FAM184A: variants seen among roughly 807,000 people sequenced by gnomAD.
FAM184A encodes protein FAM184A.
FAM184A carries 99 observed loss-of-function variants against 143.8 expected under a neutral mutation model. That is an observed-to-expected ratio of 0.69 (90% CI 0.58 to 0.81). The LOEUF (loss-of-function observed/expected upper bound fraction) is 0.81, where lower values mean the gene tolerates loss of function less well. Among genes scored for constraint, FAM184A ranks in the 40% least tolerant of loss-of-function variants. The pLI is 0.00. For missense variants in FAM184A, 1,217 were observed against 1,310.5 expected, an observed-to-expected ratio of 0.93 and a Z score of 1.10; for synonymous variants, 427 against 446.4, an observed-to-expected ratio of 0.96 and a Z score of 0.55.
At chr6:118,983,311 ATAATT>A (rs1784074434) in intron 9 of FAM184A, among the ~76,000 whole-genome samples, 2 of 152,216 alleles carry the variant, frequency 1.3e-5, no homozygotes, top group African/African-American at 2.4e-5. Context: ...TTTTATAGCT[ATAATT>A]TAAACAGCTG....
At chr6:119,027,538 C>G (rs1582523518) in intron 1 of FAM184A, among the ~76,000 whole-genome samples, 2 of 152,266 alleles carry the variant, frequency 1.3e-5, no homozygotes, top group South Asian at 2.1e-4. Flanking sequence ...TGCAAACCCC[C>G]AAACATGGAA....
chr6:119,007,322 G>A (rs1784953139), intron 6 of FAM184A, among the ~76,000 whole-genome samples: 1 of 151,970 alleles, frequency 6.6e-6, no homozygotes, highest in African/African-American at 2.4e-5. Flanking sequence ...GTTGAAATTG[G>A]TAATTTAAAA....
chr6:119,038,735 C>T (rs1003766666), intron 1 of FAM184A, among the ~76,000 whole-genome samples: 1 of 152,110 alleles, frequency 6.6e-6, no homozygotes, highest in Non-Finnish European at 1.5e-5. Flanking sequence ...TACTTGTTTT[C>T]GCTTTGCACT....
In FAM184A at chr6:119,118,109, A is replaced by G. The variant is rs560128022; in HGVS notation, c.-202+30969T>C. Among the ~76,000 whole-genome samples, 145 of 152,204 alleles carry G rather than the reference A, an allele frequency of 9.5e-4. 1 individual carries two copies. The highest frequency in any genetic ancestry group is 2.8e-3 in the African/African-American group (116 of 41,562). ...GGGAAGCTCTGACCTGCAGTTATTA[A>G]TTAAGCCAGGACCTTTCCATAGATG... On this transcript the variant is annotated intron_variant, in intron 1 of 16. Coordinates refer to the FAM184A transcript ENST00000352896.
At chr6:119,091,632 A>G (rs1788371371) in intron 1 of FAM184A, among the ~76,000 whole-genome samples, 1 of 152,200 alleles carries the variant, frequency 6.6e-6, no homozygotes, top group African/African-American at 2.4e-5. Context: ...GCTGTCAGAT[A>G]ATAATCCTAG....
intron 1 of FAM184A, among the ~76,000 whole-genome samples, chr6:119,117,557 G>T (rs1457428533): frequency 6.6e-6 from 1 of 152,158 alleles, no homozygotes; most frequent in Admixed American, 6.5e-5. Flanking sequence ...GCTGTCAGAG[G>T]CCCCATTGCT....
At chr6:118,982,601 G>A (rs541764708) in intron 9 of FAM184A, among the ~76,000 whole-genome samples, 4 of 152,182 alleles carry the variant, frequency 2.6e-5, no homozygotes, top group Non-Finnish European at 5.9e-5. Flanking sequence ...GTGCCATATA[G>A]GCTAGCAGTG....
upstream of FAM184A, among the ~76,000 whole-genome samples, chr6:119,083,526 G>A (rs149604370): frequency 1.8e-3 from 271 of 152,236 alleles, 1 homozygote; most frequent in African/African-American, 6.4e-3. Flanking sequence ...GTCACCTCTT[G>A]AATGCTTTGC....
intron 1 of FAM184A, among the ~76,000 whole-genome samples, chr6:119,135,007 A>G (rs1322566500): frequency 1.3e-5 from 2 of 152,240 alleles, no homozygotes; most frequent in Non-Finnish European, 2.9e-5. Context: ...ATTCCCTCCT[A>G]GTACGTTCCT....
At chr6:119,049,394 G>A (rs1439434751) in intron 1 of FAM184A, among the ~76,000 whole-genome samples, 3 of 152,242 alleles carry the variant, frequency 2.0e-5, no homozygotes, top group South Asian at 4.1e-4. Flanking sequence ...ATTGCAGTGA[G>A]CCAAGATGGT....
chr6:119,015,552 T>C (rs1785217741), intron 5 of FAM184A, among the ~76,000 whole-genome samples: 1 of 152,226 alleles, frequency 6.6e-6, no homozygotes, highest in African/African-American at 2.4e-5. Flanking sequence ...GGGCCTTAGC[T>C]GCCTTCCCAC....
At chr6:118,973,488 T>C (rs1185866662) in intron 14 of FAM184A, among the ~76,000 whole-genome samples, 1 of 152,192 alleles carries the variant, frequency 6.6e-6, no homozygotes, top group Non-Finnish European at 1.5e-5. Context: ...TGATGTAGAA[T>C]AAGGCACATT....
chr6:119,068,050 T>C (rs1371988495), intron 1 of FAM184A, among the ~76,000 whole-genome samples: 2 of 7,890 alleles, frequency 2.5e-4, no homozygotes, highest in Non-Finnish European at 7.4e-4. Flanking sequence ...TGTGTGGGTT[T>C]TTTTTTTTTT....
intron 1 of FAM184A, among the ~76,000 whole-genome samples, chr6:119,044,811 T>C (rs1786467659): frequency 6.6e-6 from 1 of 152,190 alleles, no homozygotes; most frequent in South Asian, 2.1e-4. Flanking sequence ...GGTATAACTC[T>C]TAGTTTATCT....
intron 1 of FAM184A, among the ~76,000 whole-genome samples, chr6:119,039,321 C>A (rs1786231414): frequency 6.6e-6 from 1 of 152,142 alleles, no homozygotes; most frequent in East Asian, 1.9e-4. Flanking sequence ...TATGTCCATA[C>A]AAAAACTGGC....
At chr6:119,111,473 A>G (rs1385126629) in intron 1 of FAM184A, among the ~76,000 whole-genome samples, 2 of 152,230 alleles carry the variant, frequency 1.3e-5, no homozygotes, top group Non-Finnish European at 2.9e-5. Flanking sequence ...GAATGTTCTC[A>G]GTGCCCAGAA....
intron 1 of FAM184A, among the ~76,000 whole-genome samples, chr6:119,073,305 G>A (rs370252650): frequency 1.3e-5 from 2 of 152,152 alleles, no homozygotes; most frequent in African/African-American, 4.8e-5. Context: ...AACTTACACT[G>A]TACCATATAT....
In FAM184A at chr6:118,965,810, C is replaced by G. The variant is rs1783484815; in HGVS notation, c.3033+1025G>C. Among the ~76,000 whole-genome samples the G allele has an allele frequency of 1.3e-5, 2 of 152,186 alleles. 1 individual carries two copies. The highest frequency in any genetic ancestry group is 4.1e-4 in the South Asian group (2 of 4,832). On this transcript the variant is annotated intron_variant, in intron 15 of 17. Transcript: ENST00000338891. ...ACAAAATACAATTATAACACCTCCT[C>G]AGTAAGAACTGGGAATTAATAGCTA...
chr6:118,999,068 T>C (rs990069255), intron 9 of FAM184A, among the ~76,000 whole-genome samples: 1 of 152,112 alleles, frequency 6.6e-6, no homozygotes, highest in Non-Finnish European at 1.5e-5. Flanking sequence ...GCAGGATCTA[T>C]TTTGAAGGTA....
Sources: gnomAD v4.1 joint callset for allele counts (sites outside exome capture counted in the v4.1 genomes callset) on GRCh38, gnomAD v4.1.1 for gene constraint, MANE v1.5 for transcripts, NCBI Gene and HGNC (gene_info 2026-07-23, HGNC 2026-07-21) for gene names.